WDR37: variants seen among roughly 807,000 people sequenced by gnomAD.
WDR37 encodes the protein WD repeat-containing protein 37.
In WDR37, 19 loss-of-function variants were observed where a neutral mutation model predicts 62.9. The ratio of observed to expected loss-of-function variants is 0.30; its 90% CI spans 0.21 to 0.44. The LOEUF (loss-of-function observed/expected upper bound fraction) is 0.44. Ranked by LOEUF, WDR37 falls within the 20% of genes least tolerant of loss-of-function variation. The probability of loss-of-function intolerance (pLI) is 1.00; values close to 1 mark genes in which losing one functional copy is unlikely to be tolerated. For missense variants in WDR37, 474 were observed against 657.6 expected (o/e 0.72, Z 3.05); for synonymous variants, 250 against 260.9 (o/e 0.96, Z 0.40).
At chr10:1,086,384 GC>G in intron 7 of WDR37, 27 bp downstream of exon 7, 1 of 1,594,624 alleles carries the variant, frequency 6.3e-7, no homozygotes, top group Non-Finnish European at 8.6e-7. Context: ...GAGTGCCGTA[GC>G]CAGAGGCCGT....
At chr10:1,122,347 G>A (rs561132271) in intron 11 of WDR37, among the ~76,000 whole-genome samples, 177 of 152,314 alleles carry the variant, frequency 1.2e-3, no homozygotes, top group African/African-American at 4.1e-3. Flanking sequence ...CGGGTTTTGA[G>A]CCCCTGTACA....
At chr10:1,082,164 G>A (rs111646167) in intron 5 of WDR37, among the ~76,000 whole-genome samples, 8 of 152,288 alleles carry the variant, frequency 5.3e-5, no homozygotes, top group African/African-American at 1.4e-4. Flanking sequence ...ATTCTGATTC[G>A]TACTACAGTG....
intron 10 of WDR37, among the ~76,000 whole-genome samples, chr10:1,104,183 T>C (rs938560182): frequency 1.3e-5 from 2 of 152,304 alleles, no homozygotes; most frequent in Non-Finnish European, 2.9e-5. Context: ...TCTGGGCCCG[T>C]GGTAGCTGCT....
chr10:1,075,437 C>A (rs115813606), intron 2 of WDR37, among the ~76,000 whole-genome samples: 2 of 150,430 alleles, frequency 1.3e-5, no homozygotes, highest in East Asian at 1.9e-4. Flanking sequence ...CCCCAGCCCC[C>A]CAACGCCCCG....
At chr10:1,068,544 A>C (rs1443492878) in intron 1 of WDR37, among the ~76,000 whole-genome samples, 1 of 152,112 alleles carries the variant, frequency 6.6e-6, no homozygotes, top group Non-Finnish European at 1.5e-5. Flanking sequence ...CCTGGCACAA[A>C]ATTTCTCATG....
intron 2 of WDR37, among the ~76,000 whole-genome samples, chr10:1,073,028 T>C (rs944659009): frequency 3.3e-5 from 5 of 152,212 alleles, no homozygotes; most frequent in Non-Finnish European, 5.9e-5. Flanking sequence ...TCTGCCGCCA[T>C]GAGTATGTCA....
intron 13 of WDR37, among the ~76,000 whole-genome samples, chr10:1,125,794 C>T (rs10903372): frequency 0.13 from 19,719 of 152,136 alleles, 1,448 homozygotes; most frequent in Middle Eastern, 0.22. Context: ...CAGGCTGTTG[C>T]GACAGGAAGA....
At position 1,124,366 on chromosome 10, in the gene WDR37, G is replaced by A; in HGVS notation, c.1238+14G>A. On this transcript the variant is annotated intron_variant, in intron 12 of 13. Coordinates refer to ENST00000263150, the MANE Select transcript of WDR37 (RefSeq NM_014023.4). ...TGCCATTAACAGGTAAAGTCAAACT[G>A]TTGGTTAAGTAAGTGGCTTAGTTTG... The A allele has an allele frequency of 6.2e-7, 1 of 1,614,012 alleles. No homozygotes were observed. Among genetic ancestry groups the A allele is most frequent in the Non-Finnish European group, 8.5e-7 (1 of 1,180,014 alleles).
At chr10:1,092,066 G>T (rs1342326915) in intron 7 of WDR37, among the ~76,000 whole-genome samples, 1 of 151,272 alleles carries the variant, frequency 6.6e-6, no homozygotes, top group African/African-American at 2.4e-5. Flanking sequence ...TGTGGTCCCA[G>T]CTACTTGGGA....
intron 9 of WDR37, among the ~76,000 whole-genome samples, chr10:1,099,851 A>G (rs1834732430): frequency 6.6e-6 from 1 of 151,962 alleles, no homozygotes; most frequent in African/African-American, 2.4e-5. Flanking sequence ...GAGGGTGAGC[A>G]TTGATGCTCA....
At chr10:1,088,891 C>T (rs1252812154) in intron 7 of WDR37, among the ~76,000 whole-genome samples, 1 of 152,090 alleles carries the variant, frequency 6.6e-6, no homozygotes, top group Non-Finnish European at 1.5e-5. Context: ...CGGGGTATGC[C>T]TGCATCCACA....
At chr10:1,113,499 T>C (rs568350801) in intron 11 of WDR37, among the ~76,000 whole-genome samples, 2 of 152,230 alleles carry the variant, frequency 1.3e-5, no homozygotes, top group Non-Finnish European at 2.9e-5. Flanking sequence ...CCATAGATAG[T>C]GATTCCTCTG....
chr10:1,072,427 G>A, intron 2 of WDR37, 134 bp downstream of exon 2: 1 of 1,237,456 alleles, frequency 8.1e-7, no homozygotes, highest in Non-Finnish European at 1.1e-6. Flanking sequence ...TGATTCTCCT[G>A]CCTCAGCCTA....
rs200815182 is a variant in WDR37 at position 1,103,750 on chromosome 10, G to C, written c.875G>C (p.Gly292Ala). The change falls in exon 10 of 14, where the codon GGG (glycine) becomes GCG (alanine). Residue 292 changes from glycine to alanine, a missense_variant. By Grantham distance (60) the Gly-to-Ala change is moderately conservative. Coordinates refer to ENST00000263150, the MANE Select transcript of WDR37 (RefSeq NM_014023.4). This position sits in a 1 kb window ranked among gnomAD's most constrained non-coding sequence, Gnocchi z 6.3. ...GVVIASDWLV[G>A]GKQAVTASWD... The stretch of plus-strand genomic sequence containing the variant: ...GTCATCGCCTCCGACTGGCTGGTTG[G>C]GGGGAAGCAGGCTGTGACTGCCTCC... 27 of 1,614,106 alleles carry C rather than the reference G, an allele frequency of 1.7e-5. No individual in the cohort carries two copies. The highest frequency in any genetic ancestry group is 3.3e-5 in the Admixed American group (2 of 60,012).
intron 7 of WDR37, among the ~76,000 whole-genome samples, chr10:1,091,161 A>T (rs1834375544): frequency 6.6e-6 from 1 of 151,938 alleles, no homozygotes; most frequent in African/African-American, 2.4e-5. Context: ...TGCCTGCCCT[A>T]CCCCTCCTTC....
chr10:1,103,988 A>AT lies in WDR37; in HGVS notation c.961+153dup. On this transcript the variant is annotated intron_variant, in intron 10 of 13. Transcript: ENST00000263150. The surrounding 1 kb of genome is among the most constrained non-coding windows in gnomAD (Gnocchi z 6.3). ...TAATTTTTGGAGATTCTTTCTATTA[A>AT]TAATAGAACTATTGGTAGCTAAATT... 1.4e-6 allele frequency: 1 copy of AT among 740,022 alleles called. No homozygotes were observed. Among genetic ancestry groups the AT allele is most frequent in the Non-Finnish European group, 2.2e-6 (1 of 460,694 alleles). 45.8% of individuals were successfully genotyped at this position (740,022 alleles called of 1,614,324 possible).
chr10:1,096,189 T>C lies in WDR37; in HGVS notation c.669T>C (p.Ala223=), dbSNP rs1297041427. The part of the protein sequence containing the change: ...LALTASGDQT[A]HIWRYAVQLP... The stretch of plus-strand genomic sequence containing the variant: ...CTTCAGCTTCTGGAGATCAGACTGC[T>C]CATATCTGGAGATACGCGGTGCAGC... Residue 223 remains alanine (A), a synonymous_variant, in exon 9 of 14, where the codon GCT becomes GCC. Transcript: ENST00000263150. 1 of 1,614,182 alleles carries C rather than the reference T, an allele frequency of 6.2e-7. No individual in the cohort carries two copies. The highest frequency in any genetic ancestry group is 1.3e-5 in the African/African-American group (1 of 75,050).
chr10:1,062,413 C>G (rs1833402660), intron 1 of WDR37, among the ~76,000 whole-genome samples: 1 of 152,158 alleles, frequency 6.6e-6, no homozygotes, highest in Non-Finnish European at 1.5e-5. Flanking sequence ...TGGTAACGAA[C>G]TTGTAGAATG....
intron 13 of WDR37, among the ~76,000 whole-genome samples, chr10:1,125,414 T>C (rs11250274): frequency 0.088 from 13,331 of 152,210 alleles, 705 homozygotes; most frequent in African/African-American, 0.13. Flanking sequence ...GCTGGTTAGT[T>C]AGTCAGGCTG....
Sources: gnomAD v4.1 joint callset for allele counts (sites outside exome capture counted in the v4.1 genomes callset) on GRCh38, gnomAD v4.1.1 for gene constraint, Gnocchi (gnomAD v3.1) non-coding constraint, MANE v1.5 for transcripts, NCBI Gene and HGNC (gene_info 2026-07-23, HGNC 2026-07-21) for gene names.